Variants in SCGB1A1 observed in about 807,000 individuals in gnomAD.
The protein encoded by SCGB1A1 is secretoglobin family 1A member 1, also known as uteroglobin.
In SCGB1A1, 8 loss-of-function variants were observed where a neutral mutation model predicts 7.5. That is an observed-to-expected ratio of 1.07 (90% CI 0.63 to 1.92). The LOEUF (loss-of-function observed/expected upper bound fraction) is 1.92, where lower values mean the gene tolerates loss of function less well. Ranked by LOEUF, SCGB1A1 falls within the 30% of genes most tolerant of loss-of-function variation. SCGB1A1 has a pLI of 0.00. For missense variants in SCGB1A1, 121 were observed against 112.7 expected (o/e 1.07, Z -0.33); for synonymous variants, 44 against 40.8 (o/e 1.08, Z -0.30).
At chr11:62,419,655 A>G (rs369152252) in intron 1 of SCGB1A1, among the ~76,000 whole-genome samples, 7 of 152,230 alleles carry the variant, frequency 4.6e-5, no homozygotes, top group African/African-American at 1.7e-4. Context: ...GGAATATTCC[A>G]GAAAGAGAGC....
At chr11:62,422,724 A>G (rs1349866560) in intron 2 of SCGB1A1, among the ~76,000 whole-genome samples, 1 of 151,894 alleles carries the variant, frequency 6.6e-6, no homozygotes, top group Non-Finnish European at 1.5e-5. Context: ...ACAGGCACCC[A>G]CCATCATGCC....
chr11:62,420,816 T>C (rs1018606282), intron 1 of SCGB1A1, among the ~76,000 whole-genome samples: 4 of 151,498 alleles, frequency 2.6e-5, no homozygotes, highest in African/African-American at 4.8e-5. Context: ...ATGCCTGTAG[T>C]CCCAGCTACT....
intron 1 of SCGB1A1, chr11:62,421,789 G>A (rs1937799641): frequency 6.6e-6 from 1 of 152,546 alleles, no homozygotes; most frequent in African/African-American, 2.4e-5. Flanking sequence ...GGGATTACAG[G>A]TGTGAGCCAC....
intron 2 of SCGB1A1, 80 bp downstream of exon 2, chr11:62,422,488 C>G: frequency 7.7e-7 from 1 of 1,303,264 alleles, no homozygotes; most frequent in Non-Finnish European, 1.1e-6. Context: ...GTTTTCAGAC[C>G]TGTTTCTAAT....
At chr11:62,421,701 C>CG (rs1234191786) in intron 1 of SCGB1A1, 1 of 152,058 alleles carries the variant, frequency 6.6e-6, no homozygotes, top group African/African-American at 2.4e-5. Context: ...TTAGTAGAGA[C>CG]GGGGTTTCAC....
chr11:62,421,020 C>A (rs41479246), intron 1 of SCGB1A1, among the ~76,000 whole-genome samples: 169 of 151,590 alleles, frequency 1.1e-3, no homozygotes, highest in Non-Finnish European at 2.0e-3. Flanking sequence ...ATATTGTTCC[C>A]ATTTTACAGA....
chr11:62,422,529 C>A, intron 2 of SCGB1A1, 121 bp downstream of exon 2: 1 of 758,384 alleles, frequency 1.3e-6, no homozygotes, highest in Non-Finnish European at 2.1e-6. Flanking sequence ...GCCACTGTCC[C>A]CAGGCAGGCA....
At chr11:62,419,698 G>A (rs1464966144) in intron 1 of SCGB1A1, among the ~76,000 whole-genome samples, 1 of 152,156 alleles carries the variant, frequency 6.6e-6, no homozygotes, top group African/African-American at 2.4e-5. Context: ...CCAGAGTGAA[G>A]TTTTCTAAAC....
At chr11:62,422,460 G>T (rs1356642704) in intron 2 of SCGB1A1, 52 bp downstream of exon 2, 1 of 1,512,638 alleles carries the variant, frequency 6.6e-7, no homozygotes, top group Non-Finnish European at 9.0e-7. Flanking sequence ...CCCCAAGTGG[G>T]GCTGCAGGAT....
intron 1 of SCGB1A1, among the ~76,000 whole-genome samples, chr11:62,421,602 C>G (rs950491491): frequency 1.3e-5 from 2 of 152,074 alleles, no homozygotes; most frequent in South Asian, 2.1e-4. Context: ...ACTTCTGCTT[C>G]CTGGATTCAA....
intron 1 of SCGB1A1, among the ~76,000 whole-genome samples, chr11:62,420,803 C>T (rs950500077): frequency 2.0e-5 from 3 of 151,236 alleles, no homozygotes; most frequent in African/African-American, 4.8e-5. Flanking sequence ...GGCATGGTGG[C>T]GCATGCCTGT....
chr11:62,420,560 C>A (rs1937761839), intron 1 of SCGB1A1, among the ~76,000 whole-genome samples: 1 of 151,206 alleles, frequency 6.6e-6, no homozygotes, highest in African/African-American at 2.4e-5. Flanking sequence ...GATCCACCCA[C>A]CTAGGCCTCC....
chr11:62,423,195 A>C lies in SCGB1A1; in HGVS notation c.*104A>C. The C allele has an allele frequency of 6.8e-5, 85 of 1,257,384 alleles. No individual in the cohort carries two copies. Among genetic ancestry groups the C allele is most frequent in the Middle Eastern group, 1.9e-4 (1 of 5,318 alleles). The allele number at this position is 1,257,384 out of a possible 1,614,324, so 77.9% of individuals were successfully genotyped here. A position where few individuals can be genotyped will look rare whatever the true frequency, so the allele number is the denominator to read the frequency against. On this transcript the variant is annotated 3_prime_UTR_variant, in exon 3 of 3. Coordinates refer to ENST00000278282, the MANE Select transcript of SCGB1A1 (RefSeq NM_003357.5). ...CTCTTCAATAAACCACAAGCATCTC[A>C]CTTTTGTGCCCCCTGCGTGGTTTTG...
intron 1 of SCGB1A1, 78 bp from the exon 2 acceptor site, chr11:62,422,143 C>A: frequency 7.8e-7 from 1 of 1,288,236 alleles, no homozygotes; most frequent in Non-Finnish European, 1.1e-6. Flanking sequence ...CTGTTTGCAT[C>A]TGGGCAGACC....
At chr11:62,420,064 T>C (rs1019220783) in intron 1 of SCGB1A1, among the ~76,000 whole-genome samples, 1 of 152,190 alleles carries the variant, frequency 6.6e-6, no homozygotes, top group African/African-American at 2.4e-5. Context: ...GGAACAACTA[T>C]TTTGCAGAGA....
intron 1 of SCGB1A1, among the ~76,000 whole-genome samples, chr11:62,419,433 A>AC (rs1299723164): frequency 1.3e-5 from 2 of 152,150 alleles, no homozygotes; most frequent in African/African-American, 4.8e-5. Context: ...AGTGGAGAAT[A>AC]CCCCATAAAG....
chr11:62,419,347 G>A (rs914107012), intron 1 of SCGB1A1, among the ~76,000 whole-genome samples, 197 bp downstream of exon 1: 1 of 152,196 alleles, frequency 6.6e-6, no homozygotes, highest in East Asian at 1.9e-4. Flanking sequence ...AGGCTGTAAG[G>A]AAGCCTAAAA....
rs547577185 is a variant in SCGB1A1 at position 62,422,201 on chromosome 11, T to C, written c.56-20T>C. 2.7e-5 allele frequency: 43 copies of C among 1,587,152 alleles called. No homozygotes were observed. Among genetic ancestry groups the C allele is most frequent in the Non-Finnish European group, 3.5e-5 (41 of 1,162,116 alleles). The stretch of plus-strand genomic sequence containing the variant: ...GGAAAGGGGCCTGGAGACATGTGCC[T>C]TCTCTCCTCTGTGTTGCAGCTTCTG... On this transcript the variant is annotated intron_variant, in intron 1 of 2. Coordinates refer to ENST00000278282, the MANE Select transcript of SCGB1A1 (RefSeq NM_003357.5).
In SCGB1A1 at chr11:62,422,234, C is replaced by G. The variant is rs763925588; in HGVS notation, c.69C>G (p.Ile23Met). ...ALCCSSASAE[I>M]CPSFQRVIET... ...TCTGTGTTGCAGCTTCTGCAGAGATCTGCCCGAGCTTTCAGCGTGTCATCG... is the reference window on the plus strand; with the variant it reads ...TCTGTGTTGCAGCTTCTGCAGAGATGTGCCCGAGCTTTCAGCGTGTCATCG... The change falls in exon 2 of 3, where the codon ATC (isoleucine) becomes ATG (methionine). Residue 23 changes from isoleucine to methionine, a missense_variant. Coordinates refer to ENST00000278282, the MANE Select transcript of SCGB1A1 (RefSeq NM_003357.5). 6.2e-7 allele frequency: 1 copy of G among 1,612,092 alleles called. No individual in the cohort carries two copies. The highest frequency in any genetic ancestry group is 2.2e-5 in the East Asian group (1 of 44,848).
Sources: gnomAD v4.1 joint callset for allele counts (sites outside exome capture counted in the v4.1 genomes callset) on GRCh38, gnomAD v4.1.1 for gene constraint, MANE v1.5 for transcripts, NCBI Gene and HGNC (gene_info 2026-07-23, HGNC 2026-07-21) for gene names.